Variants in LIPC observed in about 807,000 individuals in gnomAD.
LIPC encodes the protein lipase C, hepatic type, also known as hepatic triacylglycerol lipase.
LIPC carries 44 observed loss-of-function variants against 50.7 expected under a neutral mutation model. The ratio of observed to expected loss-of-function variants is 0.87; its 90% CI spans 0.68 to 1.11. LIPC has a LOEUF of 1.11. Among genes scored for constraint, LIPC ranks in the 50% most tolerant of loss-of-function variants. The pLI, the probability that LIPC is intolerant of heterozygous loss-of-function variation, is 0.00. For synonymous variants in LIPC, 271 were observed against 256.4 expected (o/e 1.06, Z -0.54); for missense variants, 697 against 648.2 (o/e 1.08, Z -0.82).
chr15:58,508,872 G>A (rs1892246834), intron 1 of LIPC, among the ~76,000 whole-genome samples: 1 of 151,096 alleles, frequency 6.6e-6, no homozygotes, highest in African/African-American at 2.4e-5. Context: ...TAATTTTTTA[G>A]TATTCTTCTG....
chr15:58,447,147 CAAAAAAAAAA>C lies in LIPC; in HGVS notation c.88+15042_88+15051del, dbSNP rs34289431. On this transcript the variant is annotated intron_variant, in intron 1 of 8. Coordinates refer to ENST00000299022, the MANE Select transcript of LIPC (RefSeq NM_000236.3). ...TGGACAACAGAGCTAGACTCCATCT[CAAAAAAAAAA>C]AAAAAAAAAAAAAAGGAAATGAGTT... Among the ~76,000 whole-genome samples, 5 of 62,336 alleles carry C rather than the reference CAAAAAAAAAA, an allele frequency of 8.0e-5. No individual in the cohort carries two copies. In the South Asian group the frequency reaches 3.0e-3, roughly 37 times the overall value. 40.9% of individuals were successfully genotyped at this position (62,336 alleles called of 152,430 possible).
chr15:58,455,741 A>G (rs532048499), intron 1 of LIPC, among the ~76,000 whole-genome samples: 1 of 152,372 alleles, frequency 6.6e-6, no homozygotes, highest in South Asian at 2.1e-4. Flanking sequence ...TTTGGAGTTT[A>G]CAATAAAGAA....
At chr15:58,546,445 T>C (rs1464270107) in intron 5 of LIPC, among the ~76,000 whole-genome samples, 1 of 152,196 alleles carries the variant, frequency 6.6e-6, no homozygotes, top group Non-Finnish European at 1.5e-5. Flanking sequence ...ATCAGTTTAA[T>C]TGAGGAAATT....
intron 1 of LIPC, among the ~76,000 whole-genome samples, chr15:58,493,864 G>T (rs1891675561): frequency 6.6e-6 from 1 of 151,992 alleles, no homozygotes; most frequent in South Asian, 2.1e-4. Context: ...TTTTCTTCAT[G>T]AGACGCACAG....
At chr15:58,549,753 A>T (rs4775077) in intron 6 of LIPC, among the ~76,000 whole-genome samples, 1 of 152,162 alleles carries the variant, frequency 6.6e-6, no homozygotes, top group African/African-American at 2.4e-5. Context: ...GGGTGCGCAC[A>T]GCATCTGAAG....
intron 1 of LIPC, among the ~76,000 whole-genome samples, chr15:58,482,190 C>T (rs1251435214): frequency 6.6e-6 from 1 of 152,166 alleles, no homozygotes; most frequent in Non-Finnish European, 1.5e-5. Context: ...CGTCTTCCTC[C>T]CAGCCCTGTC....
In LIPC at chr15:58,534,004, T is replaced by C. The variant is rs144061018; in HGVS notation, c.89-4329T>C. On this transcript the variant is annotated intron_variant, in intron 1 of 8. Transcript: ENST00000299022. ...ACTGGGCAGACAAAGGAGATCATTC[T>C]GAGCCTGAGTCCTCAGTATTTGGTG... is the stretch of plus-strand genomic sequence containing the variant. Among the ~76,000 whole-genome samples the C allele has an allele frequency of 7.0e-3, 1,066 of 152,308 alleles. 10 individuals are homozygous for C. Among genetic ancestry groups the C allele is most frequent in the African/African-American group, 0.024 (1,016 of 41,564 alleles).
chr15:58,478,761 A>T (rs1891087743), intron 1 of LIPC, among the ~76,000 whole-genome samples: 1 of 152,238 alleles, frequency 6.6e-6, no homozygotes, highest in African/African-American at 2.4e-5. Flanking sequence ...TAACATTTAC[A>T]GAACTATAGT....
intron 2 of LIPC, among the ~76,000 whole-genome samples, chr15:58,540,301 C>A (rs1182504708): frequency 1.3e-5 from 2 of 152,210 alleles, no homozygotes; most frequent in African/African-American, 4.8e-5. Context: ...TTAATAACAA[C>A]AACAACTGCA....
chr15:58,563,634 C>T lies in LIPC; in HGVS notation c.1299C>T (p.Val433=). The stretch of plus-strand genomic sequence containing the variant: ...TGTGGGCCAATGTCTGGGACACGGT[C>T]CAGACCATCATCCCATGGAGCACAG... ...SAVWANVWDT[V]QTIIPWSTGP... The change falls in exon 8 of 9, where the codon GTC becomes GTT. Residue 433 remains valine, a synonymous_variant. Coordinates refer to ENST00000299022, the MANE Select transcript of LIPC (RefSeq NM_000236.3). 6.2e-7 allele frequency: 1 copy of T among 1,614,168 alleles called. No homozygotes were observed. The highest frequency in any genetic ancestry group is 8.5e-7 in the Non-Finnish European group (1 of 1,180,030).
intron 1 of LIPC, among the ~76,000 whole-genome samples, chr15:58,477,189 C>G (rs1191492584): frequency 2.0e-5 from 3 of 152,238 alleles, no homozygotes. Flanking sequence ...GGGAGGAAAG[C>G]AGCTTTGCTA....
At chr15:58,529,840 A>G (rs1892904529) in intron 1 of LIPC, among the ~76,000 whole-genome samples, 1 of 152,206 alleles carries the variant, frequency 6.6e-6, no homozygotes, top group Non-Finnish European at 1.5e-5. Flanking sequence ...TGACATAAGG[A>G]AGGTAGACTA....
intron 1 of LIPC, among the ~76,000 whole-genome samples, chr15:58,473,280 G>A (rs1472814540): frequency 6.6e-6 from 1 of 152,170 alleles, no homozygotes; most frequent in Non-Finnish European, 1.5e-5. Flanking sequence ...GGGAATCAGT[G>A]ATGAGCCCCA....
chr15:58,555,390 G>A (rs1893903859), intron 6 of LIPC, among the ~76,000 whole-genome samples: 1 of 152,198 alleles, frequency 6.6e-6, no homozygotes, highest in Non-Finnish European at 1.5e-5. Flanking sequence ...GGCTTCATTA[G>A]AAGCAGGTGT....
At chr15:58,487,390 C>T (rs1341636454) in intron 1 of LIPC, among the ~76,000 whole-genome samples, 13 of 152,172 alleles carry the variant, frequency 8.5e-5, no homozygotes, top group African/African-American at 3.1e-4. Flanking sequence ...ACAAAGTAAG[C>T]GCTCAATAAA....
In LIPC at chr15:58,552,187, G is replaced by C. The variant is rs868123620; in HGVS notation, c.1051+3615G>C. Among the ~76,000 whole-genome samples the C allele has an allele frequency of 3.9e-5, 6 of 152,274 alleles. No homozygotes were observed. The South Asian group carries it at 1.2e-3, about 32-fold the overall frequency. On this transcript the variant is annotated intron_variant, in intron 6 of 8. Transcript: ENST00000299022. ...GGTGGAGAGGAGGGAAGGGGCCCTC[G>C]GGGGGCACTCTGCCCGGGCACTGGG...
chr15:58,497,445 C>A (rs1410555543), intron 1 of LIPC, among the ~76,000 whole-genome samples: 1 of 152,240 alleles, frequency 6.6e-6, no homozygotes, highest in Non-Finnish European at 1.5e-5. Flanking sequence ...CTGCCCTCCA[C>A]AGCAAATAAT....
chr15:58,548,415 G>GGC lies in LIPC; in HGVS notation c.895_896dup (p.Tyr300ProfsTer7). The GGC allele has an allele frequency of 1.2e-6, 2 of 1,614,130 alleles. No homozygotes were observed. Among genetic ancestry groups the GGC allele is most frequent in the Admixed American group, 3.3e-5 (2 of 60,024 alleles). On this transcript the variant is annotated frameshift_variant, in exon 6 of 9. Coordinates refer to ENST00000299022, the MANE Select transcript of LIPC (RefSeq NM_000236.3). LOFTEE classifies it high-confidence loss of function. The stretch of plus-strand genomic sequence containing the variant: ...TGCTGCACGCCGGCACGCAGAGCAT[G>GGC]GCCTACCCGTGTGGTGACATGAACA...
At chr15:58,436,580 A>G (rs953458929) in intron 1 of LIPC, 4 of 304,088 alleles carry the variant, frequency 1.3e-5, no homozygotes, top group Non-Finnish European at 2.6e-5. Flanking sequence ...ATGACTGAAA[A>G]TACTTTTGTC....
Sources: allele counts gnomAD v4.1 joint callset (sites outside exome capture counted in the v4.1 genomes callset), GRCh38; gene constraint gnomAD v4.1.1; transcripts MANE v1.5; gene names NCBI Gene and HGNC (gene_info 2026-07-23, HGNC 2026-07-21).